BCOR: variants seen among roughly 807,000 people sequenced by gnomAD.
BCOR encodes the protein BCL-6 corepressor.
BCOR carries 10 observed loss-of-function variants against 86.7 expected under a neutral mutation model. The ratio of observed to expected loss-of-function variants is 0.12; its 90% CI spans 0.07 to 0.20. The LOEUF (loss-of-function observed/expected upper bound fraction) is 0.20, where lower values mean the gene tolerates loss of function less well. BCOR is among the 10% of genes least tolerant of loss of function. BCOR has a pLI of 1.00. For synonymous variants in BCOR, 611 were observed against 609.0 expected (o/e 1.00, Z -0.05); for missense variants, 1,259 against 1,452.1 (o/e 0.87, Z 2.16).
At chrX:40,099,396 G>A (rs1937028593), upstream of BCOR, among the ~76,000 whole-genome samples, 1 of 111,712 alleles carries the variant, frequency 9.0e-6, no homozygotes, top group Non-Finnish European at 1.9e-5. Flanking sequence ...CGGACTTCGC[G>A]GCCAATGGTG....
intron 1 of BCOR, among the ~76,000 whole-genome samples, chrX:40,168,950 A>G (rs886976964): frequency 1.8e-5 from 2 of 112,098 alleles, no homozygotes. Context: ...GCGCAGGGCG[A>G]AGCTGCGCGC....
At chrX:40,110,675 T>C (rs1315934056) in intron 1 of BCOR, among the ~76,000 whole-genome samples, 21 of 7,917 alleles carry the variant, frequency 2.7e-3, no homozygotes, top group African/African-American at 0.021. Context: ...TTCTTTTTTT[T>C]TTTTTTTTTT....
intron 11 of BCOR, among the ~76,000 whole-genome samples, chrX:40,056,520 G>A (rs755000777): frequency 9.0e-6 from 1 of 111,512 alleles, no homozygotes; most frequent in African/African-American, 3.3e-5. Flanking sequence ...TTGGCAGGGA[G>A]AAGATGGGTC....
chrX:40,107,434 C>T (rs1296617261), intron 1 of BCOR, among the ~76,000 whole-genome samples: 2 of 112,319 alleles, frequency 1.8e-5, no homozygotes, highest in Non-Finnish European at 3.8e-5. Flanking sequence ...CGCGCGCGCT[C>T]CCTAGCTCGA....
chrX:40,055,109 T>A (rs974753280), intron 12 of BCOR, among the ~76,000 whole-genome samples: 1 of 112,436 alleles, frequency 8.9e-6, no homozygotes, highest in African/African-American at 3.2e-5. Context: ...TGTAAACCTA[T>A]GAGCCATACC....
chrX:40,092,399 G>A (rs1344611143), intron 1 of BCOR, among the ~76,000 whole-genome samples: 1 of 111,009 alleles, frequency 9.0e-6, no homozygotes, highest in Non-Finnish European at 1.9e-5. Context: ...TGCGCGTCTG[G>A]GGTCACCGAG....
At chrX:40,123,795 T>TTTG (rs779723239) in intron 1 of BCOR, among the ~76,000 whole-genome samples, 2 of 104,015 alleles carry the variant, frequency 1.9e-5, no homozygotes, top group African/African-American at 7.1e-5. Flanking sequence ...GGTTTCCTGG[T>TTTG]TGTGTGTGTG....
At chrX:40,079,342 T>C (rs1354094001) in intron 1 of BCOR, among the ~76,000 whole-genome samples, 1 of 112,234 alleles carries the variant, frequency 8.9e-6, no homozygotes, top group African/African-American at 3.2e-5. Flanking sequence ...GTCGGTTGGG[T>C]TGGAGGCACC....
Position 40,072,565 on chromosome X carries a change from G to A in BCOR, c.2781C>T (p.Gly927=), listed in dbSNP as rs2147203026. 1 of 1,211,711 alleles carries A rather than the reference G, an allele frequency of 8.3e-7. No individual in the cohort carries two copies. The highest frequency in any genetic ancestry group is 1.1e-6 in the Non-Finnish European group (1 of 895,313). The change falls in exon 4 of 15, where the codon GGC becomes GGT. Residue 927 remains glycine, a synonymous_variant. Coordinates refer to ENST00000378444, the MANE Select transcript of BCOR (RefSeq NM_001123385.2). ...TCACATCCACACTTGGTGGGGCACT[G>A]CCCACACAAAATGGTTTGGGATCCT... The part of the protein sequence containing the change: ...TQEDPKPFCV[G]SAPPSVDVTP...
At chrX:40,083,241 G>A (rs945181581) in intron 1 of BCOR, among the ~76,000 whole-genome samples, 3 of 111,082 alleles carry the variant, frequency 2.7e-5, no homozygotes, top group African/African-American at 9.8e-5. Flanking sequence ...TCCCTGGGAG[G>A]CAAAACCGCA....
chrX:40,060,805 G>A (rs1040701636), intron 10 of BCOR, among the ~76,000 whole-genome samples: 2 of 112,730 alleles, frequency 1.8e-5, no homozygotes, highest in African/African-American at 3.2e-5. Flanking sequence ...CAGAGATATC[G>A]ATAAGAAACA....
At chrX:40,092,017 C>A (rs1434827116) in intron 1 of BCOR, among the ~76,000 whole-genome samples, 1 of 112,740 alleles carries the variant, frequency 8.9e-6, no homozygotes, top group African/African-American at 3.2e-5. Flanking sequence ...ACGAGTGTGA[C>A]CTCGGGGCCT....
At chrX:40,058,441 G>A (rs1439086097) in intron 10 of BCOR, among the ~76,000 whole-genome samples, 1 of 111,713 alleles carries the variant, frequency 9.0e-6, no homozygotes, top group African/African-American at 3.3e-5. Flanking sequence ...CAAGGGGGGA[G>A]CTTGATGGGT....
At chrX:40,171,930 C>A (rs1268115905) in intron 1 of BCOR, among the ~76,000 whole-genome samples, 1 of 112,764 alleles carries the variant, frequency 8.9e-6, no homozygotes, top group East Asian at 2.8e-4. Flanking sequence ...GCTCGGCGGC[C>A]GGCTCCGGCT....
At chrX:40,167,323 G>C (rs747399776) in intron 1 of BCOR, among the ~76,000 whole-genome samples, 27 of 112,076 alleles carry the variant, frequency 2.4e-4, no homozygotes, top group Non-Finnish European at 3.9e-4. Context: ...CGAATTAAGG[G>C]AAGAGATTAA....
chrX:40,077,855 C>A lies in BCOR; in HGVS notation c.75G>T (p.Ala25=). The part of the protein sequence containing the change: ...MNSERVRMCG[A]SEDRKILVND... Reference sequence around the variant, plus strand: ...ATGGGCGCATTCACCTGTCTTCGCTCGCCCCACACATGCGGACCCTCTCGC... The same window carrying A: ...ATGGGCGCATTCACCTGTCTTCGCTAGCCCCACACATGCGGACCCTCTCGC... The change falls in exon 2 of 15, where the codon GCG becomes GCT. Residue 25 remains alanine, a synonymous_variant. Transcript: ENST00000378444. The A allele has an allele frequency of 8.3e-7, 1 of 1,211,710 alleles. No individual in the cohort carries two copies. The highest frequency in any genetic ancestry group is 3.0e-5 in the East Asian group (1 of 33,859).
At position 40,076,505 on chromosome X, in the gene BCOR, A is replaced by G. The variant is rs1243850402; in HGVS notation, c.114T>C (p.Ala38=). 2 of 1,206,754 alleles carry G rather than the reference A, an allele frequency of 1.7e-6. No homozygotes were observed. The highest frequency in any genetic ancestry group is 2.2e-6 in the Non-Finnish European group (2 of 891,062). Residue 38 remains alanine (A), a synonymous_variant, in exon 3 of 15, where the codon GCT becomes GCC. Coordinates refer to ENST00000378444, the MANE Select transcript of BCOR (RefSeq NM_001123385.2). The part of the protein sequence containing the change: ...DRKILVNDGD[A]SKARLELREE... ...CCCTCAGTTCCAGTCTGGCTTTTGA[A>G]GCGTCACCATCATTTACAAGGATTT...
chrX:40,077,234 T>A, intron 2 of BCOR: 1 of 144,989 alleles, frequency 6.9e-6, no homozygotes, highest in South Asian at 1.5e-4. Context: ...GGTGCCAACT[T>A]CCAAATCCCC....
chrX:40,166,065 A>G (rs1938503246), intron 1 of BCOR, among the ~76,000 whole-genome samples: 1 of 112,484 alleles, frequency 8.9e-6, no homozygotes, highest in African/African-American at 3.2e-5. Flanking sequence ...GTAGATAAGG[A>G]AACTGAGGCT....
Sources: gnomAD v4.1 joint callset for allele counts (sites outside exome capture counted in the v4.1 genomes callset) on GRCh38, gnomAD v4.1.1 for gene constraint, MANE v1.5 for transcripts, NCBI Gene and HGNC (gene_info 2026-07-23, HGNC 2026-07-21) for gene names.